Variants in NFATC2 observed in about 807,000 individuals in gnomAD.
The protein encoded by NFATC2 is nuclear factor of activated T-cells, cytoplasmic 2.
Under a neutral mutation model 87.3 loss-of-function variants are expected in NFATC2, and 22 were observed. The observed-to-expected ratio is 0.25, with a 90% CI of 0.18 to 0.36. NFATC2 has a LOEUF of 0.36. Ranked by LOEUF, NFATC2 falls within the 10% of genes least tolerant of loss-of-function variation. NFATC2 has a pLI of 1.00. For synonymous variants in NFATC2, 565 were observed against 542.2 expected (o/e 1.04, Z -0.58); for missense variants, 1,149 against 1,259.1 (o/e 0.91, Z 1.32).
chr20:51,498,714 G>T (rs1016472044), intron 3 of NFATC2, among the ~76,000 whole-genome samples: 1 of 152,200 alleles, frequency 6.6e-6, no homozygotes, highest in Non-Finnish European at 1.5e-5. Context: ...TTGAACCCAG[G>T]GGGTGGAGCT....
chr20:51,470,178 C>T (rs749851016), intron 5 of NFATC2, among the ~76,000 whole-genome samples: 22 of 152,036 alleles, frequency 1.4e-4, no homozygotes, highest in Non-Finnish European at 2.9e-4. Context: ...CTCTTCCATA[C>T]TCCAGAGAAG....
chr20:51,455,330 G>A (rs1271560960), intron 5 of NFATC2, among the ~76,000 whole-genome samples: 1 of 151,944 alleles, frequency 6.6e-6, no homozygotes, highest in Admixed American at 6.5e-5. Flanking sequence ...CTACCTTTGA[G>A]CATCTGCACT....
chr20:51,473,387 G>A (rs930950750), intron 5 of NFATC2, among the ~76,000 whole-genome samples: 32 of 152,226 alleles, frequency 2.1e-4, no homozygotes, highest in Non-Finnish European at 1.6e-4. Context: ...TGCCTCCCAC[G>A]TGCAAAAGCC....
Position 51,524,146 on chromosome 20 carries a change from C to A in NFATC2, c.131-36G>T. The stretch of plus-strand genomic sequence containing the variant: ...AAGGGGGAAGGGGGTTCTTTTTAAG[C>A]CTCAAAAACAGAACTCCCGGTGCAG... On this transcript the variant is annotated intron_variant, in intron 1 of 10. Coordinates refer to ENST00000371564, the MANE Select transcript of NFATC2 (RefSeq NM_012340.5). This position sits in a 1 kb window ranked among gnomAD's most constrained non-coding sequence, Gnocchi z 4.0. 1 of 1,427,960 alleles carries A rather than the reference C, an allele frequency of 7.0e-7. No homozygotes were observed. Among genetic ancestry groups the A allele is most frequent in the Non-Finnish European group, 9.2e-7 (1 of 1,090,844 alleles). 88.5% of individuals were successfully genotyped at this position (1,427,960 alleles called of 1,614,324 possible).
rs756825843 is a variant in NFATC2 at position 51,460,636 on chromosome 20, CTTCT to C, written c.1709-5952_1709-5949del. 1.5e-3 allele frequency among the ~76,000 whole-genome samples: 83 copies of C among 55,908 alleles called. 3 individuals carry two copies. In the South Asian group the frequency reaches 0.037, roughly 25 times the overall value. The allele number at this position is 55,908 out of a possible 152,430, so 36.7% of individuals were successfully genotyped here. Reference sequence around the variant, plus strand: ...TCCTGAGCCATAACCCAGGTTTCTTCTTCTTTTTTTTTTTTTAATAGAGACTGGA... The same window carrying C: ...TCCTGAGCCATAACCCAGGTTTCTTCTTTTTTTTTTTTAATAGAGACTGGA... On this transcript the variant is annotated intron_variant, in intron 5 of 10. Coordinates refer to ENST00000371564, the MANE Select transcript of NFATC2 (RefSeq NM_012340.5).
chr20:51,434,965 A>G (rs1199386023), intron 8 of NFATC2, among the ~76,000 whole-genome samples: 2 of 152,192 alleles, frequency 1.3e-5, no homozygotes, highest in Non-Finnish European at 2.9e-5. Flanking sequence ...AAGAGCTAAT[A>G]TCACTGACAT....
intron 4 of NFATC2, 130 bp from the exon 5 acceptor site, chr20:51,474,282 G>C (rs1226785398): frequency 1.9e-6 from 2 of 1,078,472 alleles, no homozygotes; most frequent in African/African-American, 3.2e-5. Flanking sequence ...ATTTCAGCCA[G>C]GAATGTATAC....
chr20:51,402,218 T>C (rs1480547285), intron 9 of NFATC2, among the ~76,000 whole-genome samples: 1 of 152,222 alleles, frequency 6.6e-6, no homozygotes, highest in African/African-American at 2.4e-5. Context: ...ACTAACCAAC[T>C]GTGTAAACTC....
At chr20:51,546,482 G>T (rs1239064341), upstream of NFATC2, among the ~76,000 whole-genome samples, 1 of 152,178 alleles carries the variant, frequency 6.6e-6, no homozygotes, top group Non-Finnish European at 1.5e-5. Context: ...GTGGAGGGAT[G>T]GAGGTGGGAT....
intron 3 of NFATC2, among the ~76,000 whole-genome samples, chr20:51,491,094 G>T (rs1223596798): frequency 6.6e-6 from 1 of 152,136 alleles, no homozygotes; most frequent in Non-Finnish European, 1.5e-5. Context: ...GAGAGAAAAA[G>T]TACCACTGCC....
intron 3 of NFATC2, among the ~76,000 whole-genome samples, chr20:51,488,273 G>A (rs1409075378): frequency 6.6e-6 from 1 of 152,046 alleles, no homozygotes; most frequent in African/African-American, 2.4e-5. Flanking sequence ...CTGGATGGAT[G>A]GTAACATGTG....
intron 3 of NFATC2, among the ~76,000 whole-genome samples, chr20:51,502,508 T>C (rs1431741665): frequency 6.8e-6 from 1 of 147,230 alleles, no homozygotes; most frequent in Non-Finnish European, 1.5e-5. Flanking sequence ...GTTTTTGTGT[T>C]TTTTTTGGTA....
At chr20:51,497,063 G>A (rs2076000716) in intron 3 of NFATC2, among the ~76,000 whole-genome samples, 1 of 152,216 alleles carries the variant, frequency 6.6e-6, no homozygotes, top group African/African-American at 2.4e-5. Context: ...CCCACACTGA[G>A]AAATGTCACT....
intron 2 of NFATC2, among the ~76,000 whole-genome samples, chr20:51,517,478 G>A (rs2076370561): frequency 1.3e-5 from 2 of 151,866 alleles, no homozygotes; most frequent in African/African-American, 4.8e-5. Flanking sequence ...TATAGTCCCA[G>A]CTACCTGGGA....
chr20:51,558,554 G>T (rs1248772508), intron 1 of NFATC2, among the ~76,000 whole-genome samples: 3 of 151,962 alleles, frequency 2.0e-5, no homozygotes, highest in African/African-American at 7.2e-5. Flanking sequence ...TTTTTTGAAT[G>T]GGTACCTTCC....
At chr20:51,448,159 GAC>G (rs1407037313) in intron 6 of NFATC2, among the ~76,000 whole-genome samples, 2 of 152,232 alleles carry the variant, frequency 1.3e-5, no homozygotes, top group Non-Finnish European at 2.9e-5. Context: ...TAAATGAACA[GAC>G]AGACAAGGTA....
At chr20:51,472,069 A>T (rs1988257729) in intron 5 of NFATC2, among the ~76,000 whole-genome samples, 1 of 152,176 alleles carries the variant, frequency 6.6e-6, no homozygotes, top group Admixed American at 6.5e-5. Flanking sequence ...CCTGGCCAAC[A>T]TGGCGAAACC....
At position 51,477,535 on chromosome 20, in the gene NFATC2, C is replaced by CTATATATA. The variant is rs11467129; in HGVS notation, c.1333-1883_1333-1876dup. On this transcript the variant is annotated intron_variant, in intron 3 of 10. Coordinates refer to ENST00000371564, the MANE Select transcript of NFATC2 (RefSeq NM_012340.5). ...TATATATACATATGTGTGTGTGTGT[C>CTATATATA]TATATATATATATATATATATATAT... Among the ~76,000 whole-genome samples, 55 of 72,710 alleles carry CTATATATA rather than the reference C, an allele frequency of 7.6e-4. 2 individuals are homozygous for CTATATATA. Among genetic ancestry groups the CTATATATA allele is most frequent in the East Asian group, 1.4e-3 (3 of 2,154 alleles). 47.7% of individuals were successfully genotyped at this position (72,710 alleles called of 152,430 possible). A position where few individuals can be genotyped will look rare whatever the true frequency, so the allele number is the denominator to read the frequency against.
chr20:51,518,722 A>G (rs2076393897), intron 2 of NFATC2, among the ~76,000 whole-genome samples: 1 of 152,250 alleles, frequency 6.6e-6, no homozygotes, highest in Non-Finnish European at 1.5e-5. Context: ...TTTAAAGAAT[A>G]TTTAACTACT....
Sources: allele counts gnomAD v4.1 joint callset (sites outside exome capture counted in the v4.1 genomes callset), GRCh38; gene constraint gnomAD v4.1.1; non-coding constraint Gnocchi (gnomAD v3.1); transcripts MANE v1.5; gene names NCBI Gene and HGNC (gene_info 2026-07-23, HGNC 2026-07-21).